PTRH2: variants seen among roughly 807,000 people sequenced by gnomAD.
The protein encoded by PTRH2 is peptidyl-tRNA hydrolase 2, mitochondrial.
Under a neutral mutation model 12.3 loss-of-function variants are expected in PTRH2, and 10 were observed. The observed-to-expected ratio is 0.81, with a 90% CI of 0.50 to 1.38. PTRH2 has a LOEUF of 1.38. Among genes scored for constraint, PTRH2 ranks in the 40% most tolerant of loss-of-function variants. PTRH2 has a pLI of 0.00. For synonymous variants in PTRH2, 73 were observed against 77.4 expected (o/e 0.94, Z 0.30); for missense variants, 176 against 214.1 (o/e 0.82, Z 1.11).
chr17:59,704,957 T>C (rs1425608280), intron 1 of PTRH2, among the ~76,000 whole-genome samples: 1 of 152,106 alleles, frequency 6.6e-6, no homozygotes, highest in African/African-American at 2.4e-5. Context: ...CTGGCTAATT[T>C]TTGTATTTTT....
intron 1 of PTRH2, among the ~76,000 whole-genome samples, chr17:59,705,950 TG>T (rs1291585481): frequency 1.3e-5 from 2 of 150,436 alleles, no homozygotes; most frequent in African/African-American, 4.9e-5. Flanking sequence ...AACAGGACAG[TG>T]AAAGTTCCAA....
chr17:59,699,337 T>C (rs1199913448), intron 1 of PTRH2: 1 of 161,278 alleles, frequency 6.2e-6, no homozygotes, highest in Non-Finnish European at 1.4e-5. Context: ...ATCAGCTCCT[T>C]ATTGCAAAGA....
intron 1 of PTRH2, among the ~76,000 whole-genome samples, chr17:59,702,852 C>T (rs1391025836): frequency 6.6e-6 from 1 of 152,144 alleles, no homozygotes; most frequent in African/African-American, 2.4e-5. Context: ...ACCTTCAGTA[C>T]AGTATTCAAC....
rs1306217091 is a variant in PTRH2 at position 59,697,559 on chromosome 17, T to TA, written c.419dup (p.Ser141LysfsTer30). ...TACGTCCAGCATCTTGAATTAAACTTACAGTCAGTCCCAGCATTTTTGCAT... is the reference window on the plus strand; with the variant it reads ...TACGTCCAGCATCTTGAATTAAACTTAACAGTCAGTCCCAGCATTTTTGCAT... On this transcript the variant is annotated frameshift_variant, in exon 2 of 2. Coordinates refer to ENST00000393038, the MANE Select transcript of PTRH2 (RefSeq NM_016077.5). LOFTEE classifies it high-confidence loss of function. The TA allele has an allele frequency of 1.9e-6, 3 of 1,614,050 alleles. No homozygotes were observed. The highest frequency in any genetic ancestry group is 1.7e-6 in the Non-Finnish European group (2 of 1,180,026).
chr17:59,706,900 T>G (rs1282693691), intron 1 of PTRH2, among the ~76,000 whole-genome samples: 1 of 152,068 alleles, frequency 6.6e-6, no homozygotes, highest in Non-Finnish European at 1.5e-5. Flanking sequence ...CTCGAACTTC[T>G]GACCTCAGGT....
At chr17:59,698,443 T>A in intron 1 of PTRH2, 1 of 217,064 alleles carries the variant, frequency 4.6e-6, no homozygotes, top group South Asian at 7.8e-5. Flanking sequence ...TGGAGTGAGG[T>A]GCACTACTGA....
chr17:59,704,914 C>T (rs529709743), intron 1 of PTRH2, among the ~76,000 whole-genome samples: 3 of 152,150 alleles, frequency 2.0e-5, no homozygotes, highest in South Asian at 2.1e-4. Flanking sequence ...CAGCCTCCCA[C>T]GTACATGGGA....
At chr17:59,705,410 G>A (rs2033621892) in intron 1 of PTRH2, among the ~76,000 whole-genome samples, 1 of 151,960 alleles carries the variant, frequency 6.6e-6, no homozygotes, top group Non-Finnish European at 1.5e-5. Flanking sequence ...AAACAGAGAA[G>A]TTGCCTTTTT....
intron 1 of PTRH2, among the ~76,000 whole-genome samples, chr17:59,701,859 A>ATTTT (rs999977067): frequency 1.5e-5 from 2 of 134,126 alleles, no homozygotes; most frequent in African/African-American, 5.6e-5. Flanking sequence ...CACCCGGCTA[A>ATTTT]TTTTTTTTTT....
chr17:59,699,730 A>C (rs1208940383), intron 1 of PTRH2: 1 of 153,072 alleles, frequency 6.5e-6, no homozygotes, highest in Non-Finnish European at 1.5e-5. Context: ...TTATCCCTTA[A>C]GATGGTTGAA....
intron 1 of PTRH2, chr17:59,700,212 C>T (rs2033531173): frequency 6.6e-6 from 1 of 152,180 alleles, no homozygotes; most frequent in African/African-American, 2.4e-5. Context: ...AAAGGAATGT[C>T]ATCCTTTATT....
At chr17:59,703,769 G>T (rs934904434) in intron 1 of PTRH2, among the ~76,000 whole-genome samples, 5 of 151,806 alleles carry the variant, frequency 3.3e-5, no homozygotes, top group Admixed American at 2.0e-4. Context: ...GCCTCCCAAA[G>T]TGCTGGGATT....
intron 1 of PTRH2, chr17:59,698,830 G>T: frequency 1.4e-6 from 1 of 711,290 alleles, no homozygotes; most frequent in South Asian, 1.5e-5. Flanking sequence ...GTAATTTATT[G>T]AATACTGTAA....
intron 1 of PTRH2, chr17:59,699,428 G>C (rs1186964900): frequency 6.5e-6 from 1 of 154,386 alleles, no homozygotes; most frequent in Non-Finnish European, 1.4e-5. Flanking sequence ...CCTCACCAGT[G>C]ATCTTTACAT....
At chr17:59,703,100 G>T (rs372820535) in intron 1 of PTRH2, among the ~76,000 whole-genome samples, 2 of 151,800 alleles carry the variant, frequency 1.3e-5, no homozygotes, top group African/African-American at 4.8e-5. Flanking sequence ...CTGCAGCCTC[G>T]AACTCCTGAG....
intron 1 of PTRH2, among the ~76,000 whole-genome samples, chr17:59,705,593 A>T (rs1192075151): frequency 2.6e-5 from 4 of 152,028 alleles, no homozygotes; most frequent in African/African-American, 4.8e-5. Flanking sequence ...CTGATTTTTT[A>T]AAAATTTTTT....
At chr17:59,700,223 A>G (rs556750731) in intron 1 of PTRH2, 6 of 152,216 alleles carry the variant, frequency 3.9e-5, no homozygotes, top group Non-Finnish European at 7.4e-5. Flanking sequence ...ATCCTTTATT[A>G]TTTTAGAAAA....
intron 1 of PTRH2, among the ~76,000 whole-genome samples, chr17:59,701,700 T>TG (rs58742647): frequency 0.18 from 27,455 of 151,940 alleles, 3,368 homozygotes; most frequent in East Asian, 0.44. Flanking sequence ...TTTGGGGTTT[T>TG]TTTGTTTGTT....
chr17:59,698,884 A>G, intron 1 of PTRH2: 1 of 716,744 alleles, frequency 1.4e-6, no homozygotes. Context: ...TAATTTACAC[A>G]GCTGAAAGCA....
Sources: gnomAD v4.1 joint callset for allele counts (sites outside exome capture counted in the v4.1 genomes callset) on GRCh38, gnomAD v4.1.1 for gene constraint, MANE v1.5 for transcripts, NCBI Gene and HGNC (gene_info 2026-07-23, HGNC 2026-07-21) for gene names.